Variants in DNAH11 observed in about 807,000 individuals in gnomAD.
DNAH11 encodes the protein dynein axonemal heavy chain 11.
DNAH11 carries 442 observed loss-of-function variants against 526.0 expected under a neutral mutation model. That is an observed-to-expected ratio of 0.84 (90% confidence interval 0.78 to 0.91). DNAH11 has a LOEUF of 0.91. Ranked by LOEUF, DNAH11 falls within the 40% of genes least tolerant of loss-of-function variation. The pLI, the probability that DNAH11 is intolerant of heterozygous loss-of-function variation, is 0.00. For missense variants in DNAH11, 6,989 were observed against 5,448.7 expected (o/e 1.28, Z -8.90); for synonymous variants, 2,461 against 1,935.9 (o/e 1.27, Z -7.12).
intron 64 of DNAH11, among the ~76,000 whole-genome samples, chr7:21,817,669 G>A (rs771165879): frequency 2.0e-5 from 3 of 151,982 alleles, no homozygotes; most frequent in Non-Finnish European, 4.4e-5. Context: ...CTCCAGCCTG[G>A]ACAACAGAGT....
chr7:21,757,881 G>C (rs556277365), intron 54 of DNAH11, among the ~76,000 whole-genome samples: 1 of 152,186 alleles, frequency 6.6e-6, no homozygotes, highest in Non-Finnish European at 1.5e-5. Context: ...TTGTGTAAAA[G>C]CTCAACTACT....
intron 2 of DNAH11, among the ~76,000 whole-genome samples, chr7:21,554,815 ATATGCTAGATGTCTGCTG>A (rs1253502239): frequency 6.6e-6 from 1 of 152,200 alleles, no homozygotes; most frequent in Admixed American, 6.5e-5. Context: ...CTAAGAGGGA[ATATGCTAGATGTCTGCTG>A]TGTGGAAGGG....
At chr7:21,817,275 A>G (rs779733013) in intron 64 of DNAH11, among the ~76,000 whole-genome samples, 3 of 152,172 alleles carry the variant, frequency 2.0e-5, no homozygotes, top group Non-Finnish European at 4.4e-5. Flanking sequence ...TGCAGTTGCT[A>G]TTCAGTTAAT....
chr7:21,665,176 C>A (rs1262503074), intron 30 of DNAH11, among the ~76,000 whole-genome samples: 5 of 151,970 alleles, frequency 3.3e-5, no homozygotes, highest in African/African-American at 1.2e-4. Flanking sequence ...CTCCCCCTTT[C>A]TACCTTTCTC....
chr7:21,877,742 G>A (rs13308113), intron 74 of DNAH11, among the ~76,000 whole-genome samples: 81,971 of 151,556 alleles, frequency 0.54, 23,481 homozygotes, highest in East Asian at 0.85. Context: ...AGGCGTGGTG[G>A]TGGGCGCCTG....
intron 61 of DNAH11, among the ~76,000 whole-genome samples, chr7:21,789,808 T>TCTTCTTTC: frequency 2.3e-4 from 8 of 34,084 alleles, no homozygotes; most frequent in African/African-American, 6.3e-4. Flanking sequence ...TTTCTTTCTT[T>TCTTCTTTC]TTTCTTTCTT....
intron 30 of DNAH11, among the ~76,000 whole-genome samples, chr7:21,676,718 C>A (rs2965385): frequency 0.72 from 109,912 of 152,066 alleles, 40,350 homozygotes; most frequent in African/African-American, 0.82. Flanking sequence ...TACAATTATA[C>A]ATGTTCTTAT....
chr7:21,807,992 A>G lies in DNAH11; in HGVS notation c.10275A>G (p.Thr3425=). Residue 3425 remains threonine (T), a synonymous_variant, in exon 63 of 82, where the codon ACA becomes ACG. Coordinates refer to ENST00000409508, the MANE Select transcript of DNAH11 (RefSeq NM_001277115.2). ...TTGTGTCTTACGTCGGACCCTTCAC[A>G]AGGCAGTATCGCCAGGAGCTGGTGC... ...AAFVSYVGPF[T]RQYRQELVHC... The G allele has an allele frequency of 1.3e-6, 2 of 1,594,336 alleles. No individual in the cohort carries two copies. Among genetic ancestry groups the G allele is most frequent in the Admixed American group, 1.7e-5 (1 of 59,282 alleles).
chr7:21,746,330 G>A (rs1187278624), intron 51 of DNAH11, among the ~76,000 whole-genome samples: 2 of 152,186 alleles, frequency 1.3e-5, no homozygotes, highest in Non-Finnish European at 2.9e-5. Flanking sequence ...GAGGCTGAGT[G>A]TGGTGGCTCA....
chr7:21,577,431 G>T (rs1278495414), intron 8 of DNAH11, among the ~76,000 whole-genome samples: 6 of 152,188 alleles, frequency 3.9e-5, no homozygotes, highest in Admixed American at 3.3e-4. Flanking sequence ...TGCTGGCCAG[G>T]AATGAACTTC....
In DNAH11 at chr7:21,895,113, C is replaced by T; in HGVS notation, c.13049+114C>T. On this transcript the variant is annotated intron_variant, in intron 79 of 81. Transcript: ENST00000409508. Reference sequence around the variant, plus strand: ...GACGGAGCTTTGTGACTGTTCTCAACCTGTAACCGTAAAAAATTCTTCCAC... The same window carrying T: ...GACGGAGCTTTGTGACTGTTCTCAATCTGTAACCGTAAAAAATTCTTCCAC... The T allele has an allele frequency of 4.8e-6, 4 of 831,506 alleles. 1 individual carries two copies. In the South Asian group the frequency reaches 7.6e-5, roughly 16 times the overall value. The allele number at this position is 831,506 out of a possible 1,614,324, so 51.5% of individuals were successfully genotyped here.
intron 48 of DNAH11, among the ~76,000 whole-genome samples, chr7:21,741,164 T>C (rs537793652): frequency 1.3e-5 from 2 of 152,232 alleles, no homozygotes; most frequent in Non-Finnish European, 2.9e-5. Flanking sequence ...TTTTGCCTTT[T>C]CCAGAATTTC....
At chr7:21,789,399 T>TC in intron 61 of DNAH11, 57 bp downstream of exon 61, 1 of 1,191,154 alleles carries the variant, frequency 8.4e-7, no homozygotes, top group Non-Finnish European at 1.2e-6. Flanking sequence ...TGCCTCCACC[T>TC]TAGGATTCCA....
intron 63 of DNAH11, among the ~76,000 whole-genome samples, chr7:21,815,314 C>T (rs1477914255): frequency 6.6e-6 from 1 of 152,134 alleles, no homozygotes; most frequent in Non-Finnish European, 1.5e-5. Context: ...GATCAAATTG[C>T]CTATGTCTCT....
chr7:21,658,662 C>G, intron 29 of DNAH11, 136 bp from the exon 30 acceptor site: 1 of 629,090 alleles, frequency 1.6e-6, no homozygotes, highest in South Asian at 2.7e-5. Context: ...AGTTATGCCT[C>G]TTGCAGTTTT....
At chr7:21,632,280 A>C (rs1481528696) in intron 25 of DNAH11, among the ~76,000 whole-genome samples, 3 of 152,164 alleles carry the variant, frequency 2.0e-5, no homozygotes, top group African/African-American at 4.8e-5. Context: ...CCTGCCACAA[A>C]GGTCTCTGAT....
At chr7:21,899,049 T>C (rs1469166147) in intron 79 of DNAH11, among the ~76,000 whole-genome samples, 2 of 152,214 alleles carry the variant, frequency 1.3e-5, no homozygotes, top group Non-Finnish European at 2.9e-5. Context: ...CCACATAGCA[T>C]GAAGAGGCTC....
In DNAH11 at chr7:21,828,098, G is replaced by A. The variant is rs538900829; in HGVS notation, c.10691+9759G>A. On this transcript the variant is annotated intron_variant, in intron 65 of 81. Coordinates refer to ENST00000409508, the MANE Select transcript of DNAH11 (RefSeq NM_001277115.2). ...CAAGTAGCTGAAACTACAGGCATGC[G>A]CCACCATGCGCGGCTAATTTTTGTA... Among the ~76,000 whole-genome samples the A allele has an allele frequency of 2.6e-4, 39 of 152,130 alleles. 2 individuals carry two copies. Among genetic ancestry groups the A allele is most frequent in the South Asian group, 1.7e-3 (8 of 4,814 alleles).
At position 21,899,840 on chromosome 7, in the gene DNAH11, T is replaced by A. The variant is rs567128900; in HGVS notation, c.13163-140T>A. The A allele has an allele frequency of 2.4e-4, 251 of 1,034,676 alleles. No homozygotes were observed. The African/African-American group carries it at 3.3e-3, about 14-fold the overall frequency. The allele number at this position is 1,034,676 out of a possible 1,614,324, so 64.1% of individuals were successfully genotyped here. On this transcript the variant is annotated intron_variant, in intron 80 of 81. Transcript: ENST00000409508. ...TGCAGGCCTTAGTTGGCCAACCCCC[T>A]GCTCCAGCGCAGCCATGTGCCAATG...
Sources: gnomAD v4.1 joint callset for allele counts (sites outside exome capture counted in the v4.1 genomes callset) on GRCh38, gnomAD v4.1.1 for gene constraint, MANE v1.5 for transcripts, NCBI Gene and HGNC (gene_info 2026-07-23, HGNC 2026-07-21) for gene names.